Variants in KCNIP4 observed in about 807,000 individuals in gnomAD.
KCNIP4 encodes the protein potassium voltage-gated channel interacting protein 4.
Under a neutral mutation model 34.0 loss-of-function variants are expected in KCNIP4, and 12 were observed. That is an observed-to-expected ratio of 0.35 (90% CI 0.23 to 0.57). The LOEUF (loss-of-function observed/expected upper bound fraction) is 0.57, where lower values mean the gene tolerates loss of function less well. KCNIP4 is among the 20% of genes least tolerant of loss of function. The pLI, the probability that KCNIP4 is intolerant of heterozygous loss-of-function variation, is 0.83. For synonymous variants in KCNIP4, 124 were observed against 102.2 expected (o/e 1.21, Z -1.29); for missense variants, 238 against 311.7 (o/e 0.76, Z 1.78).
chr4:20,819,199 A>G (rs1034245039), intron 3 of KCNIP4, among the ~76,000 whole-genome samples: 5 of 152,070 alleles, frequency 3.3e-5, no homozygotes, highest in Admixed American at 1.3e-4. Context: ...AACTTATGAT[A>G]TACACAAACA....
At chr4:21,327,516 T>G (rs1715204349) in intron 1 of KCNIP4, among the ~76,000 whole-genome samples, 1 of 152,212 alleles carries the variant, frequency 6.6e-6, no homozygotes, top group Non-Finnish European at 1.5e-5. Context: ...ATTAAATGTT[T>G]TGAAGTAGTG....
intron 1 of KCNIP4, among the ~76,000 whole-genome samples, chr4:21,661,946 C>A (rs943464186): frequency 6.6e-6 from 1 of 152,112 alleles, no homozygotes; most frequent in South Asian, 2.1e-4. Flanking sequence ...GCAGTTTTCT[C>A]GCTGTAAGAG....
At chr4:20,916,541 G>A (rs1323380263) in intron 1 of KCNIP4, among the ~76,000 whole-genome samples, 1 of 152,142 alleles carries the variant, frequency 6.6e-6, no homozygotes, top group Non-Finnish European at 1.5e-5. Flanking sequence ...AGGTTCAAGA[G>A]ATTTTAGAAG....
At chr4:21,585,734 T>C (rs573701748) in intron 1 of KCNIP4, among the ~76,000 whole-genome samples, 17 of 152,118 alleles carry the variant, frequency 1.1e-4, no homozygotes, top group African/African-American at 3.9e-4. Context: ...AAATTAGAAA[T>C]GAGAGGAAAT....
intron 4 of KCNIP4, among the ~76,000 whole-genome samples, chr4:20,757,082 G>C (rs1754539018): frequency 6.6e-6 from 1 of 152,052 alleles, no homozygotes. Context: ...GTCCAAAACT[G>C]AGATCATTAT....
intron 1 of KCNIP4, among the ~76,000 whole-genome samples, chr4:21,187,918 C>T (rs1341289433): frequency 2.0e-5 from 3 of 152,182 alleles, no homozygotes; most frequent in Non-Finnish European, 4.4e-5. Context: ...AGACAGATAA[C>T]TTTGGGAAAG....
intron 1 of KCNIP4, among the ~76,000 whole-genome samples, chr4:21,251,497 C>A (rs921779407): frequency 6.6e-6 from 1 of 152,042 alleles, no homozygotes; most frequent in Non-Finnish European, 1.5e-5. Flanking sequence ...GTTGCTCCAT[C>A]AACCTAAAAT....
intron 1 of KCNIP4, among the ~76,000 whole-genome samples, chr4:21,120,068 A>G (rs1034749165): frequency 1.3e-5 from 2 of 152,270 alleles, no homozygotes; most frequent in African/African-American, 4.8e-5. Context: ...GAGGTTCAGC[A>G]GTGCAAGGGA....
intron 1 of KCNIP4, among the ~76,000 whole-genome samples, chr4:21,898,649 A>G (rs1453328545): frequency 1.3e-5 from 2 of 152,208 alleles, no homozygotes; most frequent in Non-Finnish European, 2.9e-5. Flanking sequence ...CCCAGGCAGT[A>G]CTTGCTGAGG....
At chr4:20,904,658 T>C (rs1462334673) in intron 1 of KCNIP4, among the ~76,000 whole-genome samples, 1 of 152,184 alleles carries the variant, frequency 6.6e-6, no homozygotes, top group African/African-American at 2.4e-5. Flanking sequence ...AAAATGCTAA[T>C]TTAATTAAGC....
At chr4:21,287,554 G>A (rs1763195302) in intron 1 of KCNIP4, among the ~76,000 whole-genome samples, 1 of 152,116 alleles carries the variant, frequency 6.6e-6, no homozygotes, top group Non-Finnish European at 1.5e-5. Flanking sequence ...ATCTCCATGT[G>A]TCAGATGAGG....
At chr4:21,922,196 A>G (rs1299137501) in intron 1 of KCNIP4, among the ~76,000 whole-genome samples, 1 of 152,148 alleles carries the variant, frequency 6.6e-6, no homozygotes, top group East Asian at 1.9e-4. Flanking sequence ...CAGCTCTTCA[A>G]AGAAGCCCTC....
chr4:21,424,119 G>A (rs1315562436), intron 1 of KCNIP4, among the ~76,000 whole-genome samples: 1 of 150,982 alleles, frequency 6.6e-6, no homozygotes, highest in South Asian at 2.1e-4. Context: ...ATGCCAGGCC[G>A]AGAATTTTTA....
intron 3 of KCNIP4, among the ~76,000 whole-genome samples, chr4:20,780,661 C>T (rs1756794416): frequency 6.6e-6 from 1 of 152,168 alleles, no homozygotes; most frequent in Non-Finnish European, 1.5e-5. Context: ...AGGAACAGTT[C>T]TCCATCCCCC....
chr4:21,245,429 A>G (rs960381134), intron 1 of KCNIP4, among the ~76,000 whole-genome samples: 3 of 152,164 alleles, frequency 2.0e-5, no homozygotes, highest in African/African-American at 7.2e-5. Context: ...CCATGAATGC[A>G]ATTACTGTGT....
chr4:21,946,186 TTCTATC>T (rs1330508233), intron 1 of KCNIP4, among the ~76,000 whole-genome samples: 3 of 152,054 alleles, frequency 2.0e-5, no homozygotes, highest in Non-Finnish European at 4.4e-5. Context: ...TTTCACAGTG[TTCTATC>T]TCTAAGTCAG....
chr4:20,900,627 A>G (rs1727065107), intron 1 of KCNIP4, among the ~76,000 whole-genome samples: 1 of 152,160 alleles, frequency 6.6e-6, no homozygotes, highest in Non-Finnish European at 1.5e-5. Flanking sequence ...TCCCTGGGAG[A>G]CAAGCACGTT....
intron 1 of KCNIP4, among the ~76,000 whole-genome samples, chr4:21,152,961 G>C (rs1301320157): frequency 6.6e-6 from 1 of 152,116 alleles, no homozygotes; most frequent in Non-Finnish European, 1.5e-5. Context: ...GTGCCAAAAG[G>C]GTTGGGGACC....
chr4:21,228,950 C>G (rs1758602894), intron 1 of KCNIP4, among the ~76,000 whole-genome samples: 1 of 152,184 alleles, frequency 6.6e-6, no homozygotes, highest in Admixed American at 6.5e-5. Context: ...TGTTACACTC[C>G]TGGAATGTCT....
Sources: gnomAD v4.1 joint callset for allele counts (sites outside exome capture counted in the v4.1 genomes callset) on GRCh38, gnomAD v4.1.1 for gene constraint, MANE v1.5 for transcripts, NCBI Gene and HGNC (gene_info 2026-07-23, HGNC 2026-07-21) for gene names.